The following MTUS2 variants were observed in gnomAD, a reference collection of about 807,000 sequenced individuals.
MTUS2 encodes the protein microtubule associated scaffold protein 2, also known as microtubule-associated tumor suppressor candidate 2.
In MTUS2, 40 loss-of-function variants were observed where a neutral mutation model predicts 114.1. That is an observed-to-expected ratio of 0.35 (90% CI 0.27 to 0.46). MTUS2 has a LOEUF of 0.46. MTUS2 is among the 20% of genes least tolerant of loss of function. The pLI, the probability that MTUS2 is intolerant of heterozygous loss-of-function variation, is 1.00. For synonymous variants in MTUS2, 688 were observed against 672.0 expected (o/e 1.02, Z -0.37); for missense variants, 1,679 against 1,705.4 (o/e 0.98, Z 0.27).
intron 5 of MTUS2, among the ~76,000 whole-genome samples, chr13:29,275,919 T>G (rs1898046328): frequency 6.6e-6 from 1 of 152,208 alleles, no homozygotes; most frequent in Admixed American, 6.5e-5. Context: ...TCTCAACTTG[T>G]TTGAGCTTTA....
At chr13:29,221,851 G>A (rs1180771534) in intron 5 of MTUS2, among the ~76,000 whole-genome samples, 1 of 151,872 alleles carries the variant, frequency 6.6e-6, no homozygotes, top group Non-Finnish European at 1.5e-5. Flanking sequence ...TTTCCATAAG[G>A]TTTCAAGTTT....
rs368057824 is a variant in MTUS2, at chr13:29,497,293, G to A, written c.3635G>A (p.Arg1212His). ...CAGTCTCTGCGGGACAGAGCCCGCCGCTTCGAAGAGGCCTTGAGGAAGAAC... is the reference window on the plus strand; with the variant it reads ...CAGTCTCTGCGGGACAGAGCCCGCCACTTCGAAGAGGCCTTGAGGAAGAAC... ...QSQSLRDRAR[R>H]FEEALRKNTE... The change falls in exon 13 of 16, where the codon CGC becomes CAC. Residue 1212 changes from arginine (R) to histidine (H), a missense_variant. Around this residue, in one of 3 missense-constraint regions of MTUS2, gnomAD observed 822 missense variants for 899.7 expected, o/e 0.91. Coordinates refer to ENST00000612955, the MANE Select transcript of MTUS2 (RefSeq NM_001033602.4). 1.1e-5 allele frequency: 18 copies of A among 1,612,032 alleles called. No homozygotes were observed. Among genetic ancestry groups the A allele is most frequent in the African/African-American group, 6.7e-5 (5 of 74,878 alleles).
At chr13:29,081,420 G>A (rs1025228308) in intron 4 of MTUS2, among the ~76,000 whole-genome samples, 1 of 151,968 alleles carries the variant, frequency 6.6e-6, no homozygotes, top group African/African-American at 2.4e-5. Context: ...TGTTTAGTAA[G>A]CCCTTATGGT....
At chr13:29,332,642 TTTTTTTTTC>T (rs1489527547) in intron 7 of MTUS2, among the ~76,000 whole-genome samples, 2 of 97,240 alleles carry the variant, frequency 2.1e-5, no homozygotes, top group East Asian at 4.4e-4. Flanking sequence ...TCTTTTTTTT[TTTTTTTTTC>T]GGACACAGAG....
intron 10 of MTUS2, among the ~76,000 whole-genome samples, chr13:29,486,389 A>T (rs1266147797): frequency 2.6e-5 from 4 of 152,152 alleles, no homozygotes; most frequent in African/African-American, 9.7e-5. Flanking sequence ...ACCCTTTTTT[A>T]AAACAAATAT....
intron 5 of MTUS2, among the ~76,000 whole-genome samples, chr13:29,110,620 C>G (rs1407606870): frequency 6.6e-6 from 1 of 152,102 alleles, no homozygotes; most frequent in Middle Eastern, 3.2e-3. Context: ...TCAGTTCTTT[C>G]TCTTTCCTCT....
chr13:29,380,301 C>T (rs893352286), intron 8 of MTUS2, among the ~76,000 whole-genome samples: 3 of 152,220 alleles, frequency 2.0e-5, no homozygotes, highest in African/African-American at 4.8e-5. Flanking sequence ...GCCAGACAGC[C>T]GTGAATCTCA....
At chr13:29,045,918 C>G (rs1352595743) in intron 4 of MTUS2, among the ~76,000 whole-genome samples, 6 of 152,082 alleles carry the variant, frequency 3.9e-5, no homozygotes, top group Non-Finnish European at 8.8e-5. Context: ...ACAAAACAAG[C>G]CATAACAGCA....
chr13:29,426,430 C>T (rs1463845613), intron 8 of MTUS2, among the ~76,000 whole-genome samples: 1 of 152,182 alleles, frequency 6.6e-6, no homozygotes. Flanking sequence ...TAAATGGAAC[C>T]ATCATAAGTG....
At chr13:29,296,960 A>G (rs7334847) in intron 6 of MTUS2, among the ~76,000 whole-genome samples, 65,382 of 151,842 alleles carry the variant, frequency 0.43, 15,261 homozygotes, top group Non-Finnish European at 0.52. Context: ...ACATAATTCT[A>G]TTTGTATATT....
rs1899355664 is a variant in MTUS2 at position 29,304,614 on chromosome 13, A to T, written c.2807-19999A>T. ...TATTCTAAATATATATGCACCCAATACATAAGCATGCAGATTCATAAAGCA... is the reference window on the plus strand; with the variant it reads ...TATTCTAAATATATATGCACCCAATTCATAAGCATGCAGATTCATAAAGCA... On this transcript the variant is annotated intron_variant, in intron 6 of 15. Coordinates refer to ENST00000612955, the MANE Select transcript of MTUS2 (RefSeq NM_001033602.4). Among the ~76,000 whole-genome samples the T allele has an allele frequency of 1.3e-5, 2 of 152,248 alleles. 1 individual carries two copies. Among genetic ancestry groups the T allele is most frequent in the South Asian group, 4.1e-4 (2 of 4,830 alleles).
chr13:28,826,246 G>A (rs1874261147), intron 1 of MTUS2, among the ~76,000 whole-genome samples: 1 of 152,012 alleles, frequency 6.6e-6, no homozygotes, highest in East Asian at 1.9e-4. Flanking sequence ...TGCTAAATAA[G>A]TAAATAAATC....
chr13:29,127,200 C>T (rs908059059), intron 5 of MTUS2, among the ~76,000 whole-genome samples: 35 of 152,286 alleles, frequency 2.3e-4, no homozygotes, highest in Middle Eastern at 3.4e-3. Context: ...CCCCCTCCCC[C>T]TGCCCAAGTG....
intron 2 of MTUS2, among the ~76,000 whole-genome samples, chr13:28,940,117 G>A (rs1444273197): frequency 6.6e-6 from 1 of 152,156 alleles, no homozygotes; most frequent in Non-Finnish European, 1.5e-5. Flanking sequence ...TGAGGACACA[G>A]CCAAACCATA....
At chr13:29,244,576 C>T (rs1165565554) in intron 5 of MTUS2, among the ~76,000 whole-genome samples, 5 of 152,070 alleles carry the variant, frequency 3.3e-5, no homozygotes, top group South Asian at 2.1e-4. Context: ...TCATGGTTGG[C>T]GCATGCTATT....
chr13:29,017,559 T>C (rs1886118503), intron 2 of MTUS2, among the ~76,000 whole-genome samples: 1 of 152,344 alleles, frequency 6.6e-6, no homozygotes, highest in Non-Finnish European at 1.5e-5. Flanking sequence ...TAAAGTATTA[T>C]GACAAATACA....
chr13:29,268,432 G>A (rs1328264764), intron 5 of MTUS2, among the ~76,000 whole-genome samples: 3 of 152,052 alleles, frequency 2.0e-5, no homozygotes, highest in Non-Finnish European at 4.4e-5. Flanking sequence ...TGTGAAAGTC[G>A]AGTCTTCACG....
In MTUS2 at chr13:29,435,147, G is replaced by A. The variant is rs188935101; in HGVS notation, c.3118-4836G>A. The stretch of plus-strand genomic sequence containing the variant: ...AAGAGGTAGCTAAGAAGAAACAGCT[G>A]CTGTTTTGGGGCTTAGATAAATGTT... On this transcript the variant is annotated intron_variant, in intron 8 of 15. Transcript: ENST00000612955. Among the ~76,000 whole-genome samples the A allele has an allele frequency of 1.3e-4, 20 of 152,300 alleles. 1 individual carries two copies. The East Asian group carries it at 3.5e-3, about 26-fold the overall frequency.
At chr13:29,055,165 C>A (rs1888075603) in intron 4 of MTUS2, among the ~76,000 whole-genome samples, 1 of 152,028 alleles carries the variant, frequency 6.6e-6, no homozygotes, top group South Asian at 2.1e-4. Flanking sequence ...GGATTTAAAA[C>A]ACTATTTCAG....
Sources: allele counts gnomAD v4.1 joint callset (sites outside exome capture counted in the v4.1 genomes callset), GRCh38; gene constraint gnomAD v4.1.1; regional missense constraint gnomAD v4.1.1; transcripts MANE v1.5; gene names NCBI Gene and HGNC (gene_info 2026-07-23, HGNC 2026-07-21).